PTPRD: variants seen among roughly 807,000 people sequenced by gnomAD.
PTPRD encodes protein tyrosine phosphatase receptor type D, also known as receptor-type tyrosine-protein phosphatase delta.
Under a neutral mutation model 214.5 loss-of-function variants are expected in PTPRD, and 34 were observed. The observed-to-expected ratio is 0.16, with a 90% CI of 0.12 to 0.21. The LOEUF (loss-of-function observed/expected upper bound fraction) is 0.21, where lower values mean the gene tolerates loss of function less well. Among genes scored for constraint, PTPRD ranks in the 10% least tolerant of loss-of-function variants. The pLI, the probability that PTPRD is intolerant of heterozygous loss-of-function variation, is 1.00. For missense variants in PTPRD, 2,545 were observed against 2,398.7 expected (o/e 1.06, Z -1.27); for synonymous variants, 1,128 against 845.7 (o/e 1.33, Z -5.79).
At chr9:9,716,232 T>C (rs2097826917) in intron 7 of PTPRD, among the ~76,000 whole-genome samples, 1 of 152,204 alleles carries the variant, frequency 6.6e-6, no homozygotes, top group Admixed American at 6.5e-5. Flanking sequence ...ATGTGCCACA[T>C]TTTTTTAATT....
intron 9 of PTPRD, among the ~76,000 whole-genome samples, chr9:9,391,025 T>A (rs2065658837): frequency 6.6e-6 from 1 of 152,174 alleles, no homozygotes; most frequent in African/African-American, 2.4e-5. Context: ...CATTATTAAG[T>A]TGAGCTTTGC....
intron 8 of PTPRD, among the ~76,000 whole-genome samples, chr9:9,559,769 C>T (rs1202634192): frequency 6.6e-6 from 1 of 152,182 alleles, no homozygotes; most frequent in African/African-American, 2.4e-5. Context: ...TCCAGCAAGT[C>T]TGTGACAGAC....
chr9:10,139,326 T>A (rs1564066655), intron 3 of PTPRD, among the ~76,000 whole-genome samples: 1 of 149,344 alleles, frequency 6.7e-6, no homozygotes, highest in East Asian at 2.0e-4. Flanking sequence ...ATCAAGGAGA[T>A]AAAAAAAACT....
chr9:8,350,024 A>C (rs2074995704), intron 39 of PTPRD, among the ~76,000 whole-genome samples: 1 of 151,796 alleles, frequency 6.6e-6, no homozygotes, highest in Non-Finnish European at 1.5e-5. Flanking sequence ...AAGTATGCCT[A>C]CTAGGAAATT....
At chr9:8,337,643 A>ACAAT (rs995581921) in intron 43 of PTPRD, among the ~76,000 whole-genome samples, 5 of 151,840 alleles carry the variant, frequency 3.3e-5, no homozygotes, top group African/African-American at 7.3e-5. Context: ...AGAAAATTAT[A>ACAAT]CAATCACAGG....
At chr9:8,568,939 A>G (rs969044934) in intron 14 of PTPRD, among the ~76,000 whole-genome samples, 2 of 152,140 alleles carry the variant, frequency 1.3e-5, no homozygotes, top group Non-Finnish European at 2.9e-5. Context: ...CATATGCAGC[A>G]ATACAAACAC....
intron 2 of PTPRD, among the ~76,000 whole-genome samples, chr9:10,399,436 T>C (rs2098232596): frequency 7.2e-5 from 11 of 151,972 alleles, no homozygotes; most frequent in Admixed American, 5.3e-4. Context: ...CAAAACATTT[T>C]CATAAGTGTT....
At position 9,803,935 on chromosome 9, in the gene PTPRD, C is replaced by G. The variant is rs61026961; in HGVS notation, c.-367-37084G>C. ...TTTTGTTTAGTGTTTCACTATCTCA[C>G]TAGAAGTTTATGGGTGCCTATCTTA... On this transcript the variant is annotated intron_variant, in intron 5 of 45. Transcript: ENST00000381196. Among the ~76,000 whole-genome samples the G allele has an allele frequency of 1.5e-3, 227 of 152,140 alleles. 1 individual carries two copies. The highest frequency in any genetic ancestry group is 5.3e-3 in the African/African-American group (221 of 41,546).
chr9:10,240,139 T>C lies in PTPRD; in HGVS notation c.-545+100824A>G, dbSNP rs552567602. ...TACTTTTTGTATAATCGTATTTCTATGTGGTGGTTCATATAACCTAAATAA... is the reference window on the plus strand; with the variant it reads ...TACTTTTTGTATAATCGTATTTCTACGTGGTGGTTCATATAACCTAAATAA... On this transcript the variant is annotated intron_variant, in intron 3 of 45. Transcript: ENST00000381196. 2.2e-3 allele frequency among the ~76,000 whole-genome samples: 336 copies of C among 152,142 alleles called. 3 individuals are homozygous for C. The highest frequency in any genetic ancestry group is 7.7e-3 in the African/African-American group (320 of 41,550).
At chr9:8,560,571 T>C (rs2085816456) in intron 14 of PTPRD, among the ~76,000 whole-genome samples, 1 of 152,146 alleles carries the variant, frequency 6.6e-6, no homozygotes, top group Non-Finnish European at 1.5e-5. Context: ...TATCCAGCTA[T>C]ATAACCCTGC....
intron 43 of PTPRD, among the ~76,000 whole-genome samples, chr9:8,337,632 A>T (rs1406980476): frequency 6.6e-6 from 1 of 151,944 alleles, no homozygotes; most frequent in Non-Finnish European, 1.5e-5. Flanking sequence ...TGTAGTAGCT[A>T]AGAAAATTAT....
chr9:9,759,189 C>A, intron 6 of PTPRD, among the ~76,000 whole-genome samples: 1 of 152,246 alleles, frequency 6.6e-6, no homozygotes, highest in East Asian at 1.9e-4. Flanking sequence ...AGCCTGATGC[C>A]CCTGAGATCC....
intron 35 of PTPRD, among the ~76,000 whole-genome samples, chr9:8,418,476 T>C (rs1157026322): frequency 6.6e-6 from 1 of 152,140 alleles, no homozygotes; most frequent in African/African-American, 2.4e-5. Flanking sequence ...CCCAACTCTA[T>C]AGTAAGTTTC....
chr9:10,511,056 T>C (rs2047853779), intron 2 of PTPRD, among the ~76,000 whole-genome samples: 1 of 133,398 alleles, frequency 7.5e-6, no homozygotes, highest in Non-Finnish European at 1.6e-5. Context: ...ATTGTAAATG[T>C]ACTTATGATT....
intron 2 of PTPRD, among the ~76,000 whole-genome samples, chr9:10,399,616 G>A (rs1227095410): frequency 6.6e-6 from 1 of 151,788 alleles, no homozygotes; most frequent in Non-Finnish European, 1.5e-5. Context: ...GATATGAGGG[G>A]CATAAGAGGA....
intron 7 of PTPRD, among the ~76,000 whole-genome samples, chr9:9,645,400 T>C (rs111498158): frequency 0.019 from 2,828 of 151,618 alleles, 85 homozygotes; most frequent in African/African-American, 0.065. Context: ...AAGACTAATA[T>C]AAGTGTTGAT....
rs930569639 is a variant in PTPRD at position 9,814,758 on chromosome 9, G to A, written c.-367-47907C>T. ...GAAATAAAAAATACAATTCTAAAAT[G>A]TATATGAAACCATGAACGCTCCAAA... On this transcript the variant is annotated intron_variant, in intron 5 of 45. Transcript: ENST00000381196. Among the ~76,000 whole-genome samples, 14 of 145,454 alleles carry A rather than the reference G, an allele frequency of 9.6e-5. 1 individual carries two copies.
At chr9:9,577,620 A>C (rs1379490909) in intron 7 of PTPRD, among the ~76,000 whole-genome samples, 1 of 152,128 alleles carries the variant, frequency 6.6e-6, no homozygotes, top group Non-Finnish European at 1.5e-5. Flanking sequence ...GATGTGCATA[A>C]ATAACTATTT....
intron 36 of PTPRD, among the ~76,000 whole-genome samples, chr9:8,398,445 T>A (rs2091707696): frequency 6.6e-6 from 1 of 152,122 alleles, no homozygotes; most frequent in African/African-American, 2.4e-5. Flanking sequence ...AGAGATGAAG[T>A]GAATAAATAT....
Sources: allele counts gnomAD v4.1 joint callset (sites outside exome capture counted in the v4.1 genomes callset), GRCh38; gene constraint gnomAD v4.1.1; transcripts MANE v1.5; gene names NCBI Gene and HGNC (gene_info 2026-07-23, HGNC 2026-07-21).